Variants in DMD observed in about 807,000 individuals in gnomAD.
The protein encoded by DMD is mutant dystrophin.
DMD carries 63 observed loss-of-function variants against 330.1 expected under a neutral mutation model. The observed-to-expected ratio is 0.19, with a 90% CI of 0.16 to 0.24. DMD has a LOEUF of 0.24. DMD is among the 10% of genes least tolerant of loss of function. DMD has a pLI of 1.00. For synonymous variants in DMD, 1,223 were observed against 959.8 expected (o/e 1.27, Z -5.07); for missense variants, 3,344 against 2,684.1 (o/e 1.25, Z -5.43).
chrX:32,531,688 G>T (rs1222714322), intron 17 of DMD, among the ~76,000 whole-genome samples: 1 of 110,707 alleles, frequency 9.0e-6, no homozygotes, highest in East Asian at 2.8e-4. Context: ...TCAAGAACAG[G>T]TCTGTCTGAA....
At chrX:31,525,078 T>C (rs1299762392) in intron 55 of DMD, among the ~76,000 whole-genome samples, 1 of 112,120 alleles carries the variant, frequency 8.9e-6, no homozygotes, top group Non-Finnish European at 1.9e-5. Flanking sequence ...ACTCATAGTA[T>C]TCATTAAATG....
chrX:33,217,972 T>C (rs988303125), intron 1 of DMD, among the ~76,000 whole-genome samples: 6 of 111,598 alleles, frequency 5.4e-5, no homozygotes, highest in African/African-American at 1.9e-4. Flanking sequence ...GTACTATGAA[T>C]AATAGTAGGG....
intron 68 of DMD, among the ~76,000 whole-genome samples, chrX:31,182,416 G>A (rs1055803528): frequency 4.5e-5 from 5 of 111,982 alleles, no homozygotes; most frequent in Admixed American, 9.4e-5. Flanking sequence ...AAAATGTTTT[G>A]GTTCCAGGAA....
chrX:32,312,941 C>CAAAAAAAAAAAAAAAAAAAAAAA (rs1171543953), intron 41 of DMD, among the ~76,000 whole-genome samples: 17 of 19,197 alleles, frequency 8.9e-4, no homozygotes, highest in Non-Finnish European at 1.7e-3. Context: ...AGCCTACGAA[C>CAAAAAAAAAAAAAAAAAAAAAAA]CAAAAAAAAA....
chrX:32,600,793 A>T (rs777229806), intron 12 of DMD, among the ~76,000 whole-genome samples: 1 of 111,539 alleles, frequency 9.0e-6, no homozygotes, highest in South Asian at 3.7e-4. Flanking sequence ...ACTAACGAGA[A>T]AAAAATTGTA....
chrX:31,254,198 A>C (rs2049687608), intron 63 of DMD, among the ~76,000 whole-genome samples: 1 of 111,851 alleles, frequency 8.9e-6, no homozygotes, highest in African/African-American at 3.2e-5. Flanking sequence ...ACATTATCCT[A>C]TTTTTACCTA....
chrX:33,285,830 A>G (rs977182084), intron 1 of DMD, among the ~76,000 whole-genome samples: 7 of 112,421 alleles, frequency 6.2e-5, no homozygotes, highest in African/African-American at 2.3e-4. Context: ...TGGCCCCATC[A>G]TTCCCATGGC....
At chrX:31,688,738 G>A (rs1384606988) in intron 52 of DMD, among the ~76,000 whole-genome samples, 1 of 110,957 alleles carries the variant, frequency 9.0e-6, no homozygotes, top group Admixed American at 9.6e-5. Context: ...CTGGCAAACC[G>A]AATCCAGCAG....
chrX:32,508,920 C>T (rs993582595), intron 18 of DMD, among the ~76,000 whole-genome samples: 7 of 110,542 alleles, frequency 6.3e-5, no homozygotes, highest in Non-Finnish European at 1.1e-4. Flanking sequence ...ACGCCATTCT[C>T]CTTCCTCAGC....
intron 44 of DMD, among the ~76,000 whole-genome samples, chrX:32,103,137 T>G (rs774204944): frequency 3.6e-5 from 4 of 111,425 alleles, no homozygotes; most frequent in Non-Finnish European, 7.5e-5. Context: ...ATTTCCTGGA[T>G]AGTGTTCAAA....
chrX:31,492,452 C>G (rs1017119613), intron 57 of DMD, among the ~76,000 whole-genome samples: 4 of 112,095 alleles, frequency 3.6e-5, no homozygotes, highest in African/African-American at 1.3e-4. Flanking sequence ...GTTCTCTCAT[C>G]AGCACTCAGG....
At chrX:32,780,095 AGT>A (rs1300577653) in intron 7 of DMD, among the ~76,000 whole-genome samples, 2 of 111,988 alleles carry the variant, frequency 1.8e-5, no homozygotes, top group African/African-American at 6.5e-5. Flanking sequence ...CCCGATATGT[AGT>A]GTGTATTGCT....
chrX:33,028,587 G>C (rs1192252049), intron 1 of DMD, among the ~76,000 whole-genome samples: 1 of 111,859 alleles, frequency 8.9e-6, no homozygotes, highest in Non-Finnish European at 1.9e-5. Flanking sequence ...ATGCTTTCTT[G>C]CTTTAGTCCT....
intron 1 of DMD, among the ~76,000 whole-genome samples, chrX:33,089,882 G>A (rs745306266): frequency 9.0e-6 from 1 of 111,592 alleles, no homozygotes; most frequent in Admixed American, 9.6e-5. Flanking sequence ...TAAATTTGCA[G>A]TAACTCTGTC....
At chrX:32,748,486 T>A (rs758396339) in intron 7 of DMD, among the ~76,000 whole-genome samples, 2 of 111,201 alleles carry the variant, frequency 1.8e-5, no homozygotes, top group South Asian at 7.5e-4. Flanking sequence ...CCAGCTGGGG[T>A]ATGAGTCCAG....
intron 44 of DMD, among the ~76,000 whole-genome samples, chrX:32,178,864 T>TAC (rs2096916027): frequency 9.9e-6 from 1 of 101,091 alleles, no homozygotes; most frequent in Non-Finnish European, 2.0e-5. Context: ...TGTGTGTGTG[T>TAC]ACACACGATT....
chrX:31,541,647 G>A (rs1023084968), intron 55 of DMD, among the ~76,000 whole-genome samples: 34 of 110,104 alleles, frequency 3.1e-4, no homozygotes, highest in Non-Finnish European at 5.7e-4. Context: ...CTTCATCCAC[G>A]TCCCTACAAA....
At chrX:31,516,903 C>T (rs1402302745) in intron 55 of DMD, among the ~76,000 whole-genome samples, 5 of 111,267 alleles carry the variant, frequency 4.5e-5, no homozygotes, top group Admixed American at 9.6e-5. Flanking sequence ...GGATTACCCC[C>T]GGAGGAAACT....
chrX:33,042,876 C>T (rs915149166), intron 1 of DMD, among the ~76,000 whole-genome samples: 1 of 111,593 alleles, frequency 9.0e-6, no homozygotes, highest in African/African-American at 3.3e-5. Context: ...AAACACACAA[C>T]TTGGATGGAG....
Sources: gnomAD v4.1 joint callset for allele counts (sites outside exome capture counted in the v4.1 genomes callset) on GRCh38, gnomAD v4.1.1 for gene constraint, MANE v1.5 for transcripts, NCBI Gene and HGNC (gene_info 2026-07-23, HGNC 2026-07-21) for gene names.